Variants in SHANK2 observed in about 807,000 individuals in gnomAD.
SHANK2 encodes the protein SH3 and multiple ankyrin repeat domains 2.
In SHANK2, 43 loss-of-function variants were observed where a neutral mutation model predicts 133.7. The observed-to-expected ratio is 0.32, with a 90% confidence interval of 0.25 to 0.41. The LOEUF is 0.41. Among genes scored for constraint, SHANK2 ranks in the 10% least tolerant of loss-of-function variants. SHANK2 has a pLI of 1.00. For synonymous variants in SHANK2, 1,017 were observed against 952.8 expected, an observed-to-expected ratio of 1.07 and a Z score of -1.24; for missense variants, 1,994 against 2,235.8, an observed-to-expected ratio of 0.89 and a Z score of 2.18.
At chr11:70,827,097 A>C (rs1047771896) in intron 11 of SHANK2, among the ~76,000 whole-genome samples, 26 of 152,196 alleles carry the variant, frequency 1.7e-4, no homozygotes, top group African/African-American at 6.0e-4. Context: ...TAAGCTTCAC[A>C]CCAGACCCAC....
At chr11:70,942,541 G>A (rs1950662221) in intron 10 of SHANK2, 5 of 456,452 alleles carry the variant, frequency 1.1e-5, no homozygotes, top group Admixed American at 7.1e-5. Flanking sequence ...CCCACATTGA[G>A]GAATCAAATT....
At chr11:70,562,806 G>C (rs968804236) in intron 17 of SHANK2, among the ~76,000 whole-genome samples, 14 of 152,056 alleles carry the variant, frequency 9.2e-5, no homozygotes, top group African/African-American at 3.4e-4. Flanking sequence ...CTTTTCATTT[G>C]TCCCTTGTAT....
chr11:70,618,163 G>A (rs574112703), intron 17 of SHANK2, among the ~76,000 whole-genome samples: 1 of 151,984 alleles, frequency 6.6e-6, no homozygotes, highest in African/African-American at 2.4e-5. Flanking sequence ...AGACGTGGTG[G>A]CACGCCTGTA....
chr11:70,834,227 C>A (rs1229754473), intron 11 of SHANK2, among the ~76,000 whole-genome samples: 2 of 152,088 alleles, frequency 1.3e-5, no homozygotes, highest in Admixed American at 1.3e-4. Context: ...ACAAAATACA[C>A]AGGAGGTGGC....
At chr11:71,139,020 A>G (rs1485833167) in intron 3 of SHANK2, among the ~76,000 whole-genome samples, 4 of 152,000 alleles carry the variant, frequency 2.6e-5, no homozygotes, top group Non-Finnish European at 5.9e-5. Flanking sequence ...GTGACAATGC[A>G]TGGTCTTTGA....
chr11:71,194,134 C>T (rs752184195), intron 2 of SHANK2, among the ~76,000 whole-genome samples: 3 of 152,174 alleles, frequency 2.0e-5, no homozygotes, highest in Non-Finnish European at 4.4e-5. Flanking sequence ...CACATCACCA[C>T]CCACTCCAGG....
chr11:70,900,923 T>G (rs1233660249), intron 10 of SHANK2, among the ~76,000 whole-genome samples: 1 of 151,952 alleles, frequency 6.6e-6, no homozygotes, highest in Non-Finnish European at 1.5e-5. Flanking sequence ...CTGGTCTGGG[T>G]GCATGAGGAA....
At position 70,753,198 on chromosome 11, in the gene SHANK2, C is replaced by CA. The variant is rs375347837; in HGVS notation, c.1777+45244dup. Reference sequence around the variant, plus strand: ...TAAAAAAAAAAAAACAAAAAACAAACAAAAAAAAACAAAATGGACAGCCAC... The same window carrying CA: ...TAAAAAAAAAAAAACAAAAAACAAACAAAAAAAAAACAAAATGGACAGCCAC... On this transcript the variant is annotated intron_variant, in intron 14 of 25. Transcript: ENST00000601538. Among the ~76,000 whole-genome samples the CA allele has an allele frequency of 2.7e-4, 38 of 143,298 alleles. 1 individual carries two copies. The East Asian group carries it at 3.5e-3, about 13-fold the overall frequency. The allele number at this position is 143,298 out of a possible 152,430, so 94.0% of individuals were successfully genotyped here. A position where few individuals can be genotyped will look rare whatever the true frequency, so the allele number is the denominator to read the frequency against.
intron 14 of SHANK2, among the ~76,000 whole-genome samples, chr11:70,797,366 CCCA>C (rs1230719436): frequency 6.6e-6 from 1 of 152,190 alleles, no homozygotes. Context: ...AACTCAATAC[CCCA>C]CAATACCGTC....
chr11:70,913,320 C>G (rs999714513), intron 10 of SHANK2, among the ~76,000 whole-genome samples: 1 of 152,148 alleles, frequency 6.6e-6, no homozygotes, highest in Middle Eastern at 3.4e-3. Context: ...ATATGGAATA[C>G]CCAGGGGGCT....
intron 2 of SHANK2, among the ~76,000 whole-genome samples, chr11:71,186,219 C>A (rs1350665376): frequency 2.0e-5 from 3 of 152,350 alleles, no homozygotes; most frequent in African/African-American, 4.8e-5. Flanking sequence ...CAGTCCTGCA[C>A]GTCCCAGGCA....
At chr11:70,474,588 ACT>A (rs2058639347) in intron 25 of SHANK2, 1 of 152,102 alleles carries the variant, frequency 6.6e-6, no homozygotes, top group Non-Finnish European at 1.5e-5. Flanking sequence ...GAGAACTGCC[ACT>A]CTGGGCCCTA....
chr11:71,063,299 C>A (rs1467854122), intron 9 of SHANK2, among the ~76,000 whole-genome samples: 3 of 152,296 alleles, frequency 2.0e-5, no homozygotes, highest in African/African-American at 7.2e-5. Flanking sequence ...CGACCCATTA[C>A]CACGTGTTTC....
At chr11:70,738,654 T>G (rs1946459092) in intron 14 of SHANK2, among the ~76,000 whole-genome samples, 1 of 152,226 alleles carries the variant, frequency 6.6e-6, no homozygotes, top group Non-Finnish European at 1.5e-5. Flanking sequence ...CCCCTCGTCC[T>G]GTCTTTCTGC....
chr11:70,931,840 GCTTAT>G (rs1565412987), intron 10 of SHANK2, among the ~76,000 whole-genome samples: 8 of 152,164 alleles, frequency 5.3e-5, no homozygotes, highest in African/African-American at 1.9e-4. Context: ...TCTCAACGAC[GCTTAT>G]TATTTTTCCA....
chr11:70,863,363 C>T (rs782126679), intron 11 of SHANK2: 1 of 458,062 alleles, frequency 2.2e-6, no homozygotes, highest in South Asian at 1.5e-5. Flanking sequence ...ACAGCCCGAC[C>T]TCATCCTGGT....
At chr11:70,671,645 C>T (rs1263916809) in intron 15 of SHANK2, among the ~76,000 whole-genome samples, 3 of 152,208 alleles carry the variant, frequency 2.0e-5, no homozygotes, top group African/African-American at 7.2e-5. Flanking sequence ...CCTTGGGTGT[C>T]CTTCCTTATG....
Position 71,166,482 on chromosome 11 carries a change from C to CTT in SHANK2, c.-12-19146_-12-19145dup, listed in dbSNP as rs1163239589. On this transcript the variant is annotated intron_variant, in intron 2 of 25. Transcript: ENST00000601538. ...CTTCCAATCCACACGTCTTTTTTTT[C>CTT]TTTTCTTTTTTTTTTGAGATGGAGT... Among the ~76,000 whole-genome samples, 109 of 139,060 alleles carry CTT rather than the reference C, an allele frequency of 7.8e-4. 1 individual carries two copies. Among genetic ancestry groups the CTT allele is most frequent in the African/African-American group, 2.6e-3 (97 of 37,138 alleles). The allele number at this position is 139,060 out of a possible 152,430, so 91.2% of individuals were successfully genotyped here.
At chr11:70,743,557 C>T (rs932598551) in intron 14 of SHANK2, among the ~76,000 whole-genome samples, 6 of 152,198 alleles carry the variant, frequency 3.9e-5, no homozygotes, top group Admixed American at 3.9e-4. Flanking sequence ...GACGTGATTC[C>T]TACTGGGACT....
Sources: allele counts gnomAD v4.1 joint callset (sites outside exome capture counted in the v4.1 genomes callset), GRCh38; gene constraint gnomAD v4.1.1; transcripts MANE v1.5; gene names NCBI Gene and HGNC (gene_info 2026-07-23, HGNC 2026-07-21).